The following PROM2 variants were observed in gnomAD, a reference collection of about 807,000 sequenced individuals.
The protein encoded by PROM2 is prominin-2.
PROM2 carries 90 observed loss-of-function variants against 110.2 expected under a neutral mutation model. That is an observed-to-expected ratio of 0.82 (90% confidence interval 0.69 to 0.97). The LOEUF is 0.97. Ranked by LOEUF, PROM2 falls within the 50% of genes least tolerant of loss-of-function variation. The probability of loss-of-function intolerance (pLI) is 0.00; values close to 1 mark genes in which losing one functional copy is unlikely to be tolerated. For synonymous variants in PROM2, 470 were observed against 467.8 expected, an observed-to-expected ratio of 1.00 and a Z score of -0.06; for missense variants, 1,009 against 1,074.8, an observed-to-expected ratio of 0.94 and a Z score of 0.86.
intron 14 of PROM2, 132 bp downstream of exon 14, chr2:95,282,358 C>A: frequency 1.3e-6 from 1 of 776,862 alleles, no homozygotes; most frequent in Non-Finnish European, 2.2e-6. Context: ...TTAAGGTGCC[C>A]AAGGGCAGAG....
rs1469687418 is a variant in PROM2 at position 95,277,956 on chromosome 2, C to T, written c.1002C>T (p.His334=). Residue 334 remains histidine, a synonymous_variant, in exon 8 of 24, where the codon CAC becomes CAT. Transcript: ENST00000317620. ...TGCCCTCTGTGGACCATGTCCTGCACCAGCTAAAAGGTGTCCCCGAGGCCA... is the reference window on the plus strand; with the variant it reads ...TGCCCTCTGTGGACCATGTCCTGCATCAGCTAAAAGGTGTCCCCGAGGCCA... ...SQVPSVDHVL[H]QLKGVPEANF... 6.2e-7 allele frequency: 1 copy of T among 1,612,578 alleles called. No individual in the cohort carries two copies. The highest frequency in any genetic ancestry group is 8.5e-7 in the Non-Finnish European group (1 of 1,179,578).
In PROM2 at chr2:95,281,262, T is replaced by A; in HGVS notation, c.1448T>A (p.Leu483His). 1 of 1,613,226 alleles carries A rather than the reference T, an allele frequency of 6.2e-7. No homozygotes were observed. Among genetic ancestry groups the A allele is most frequent in the South Asian group, 1.1e-5 (1 of 91,080 alleles). The change falls in exon 12 of 24, where the codon CTC becomes CAC. Residue 483 changes from leucine (L) to histidine (H), a missense_variant. Physicochemically the swap from Leu to His is moderately conservative, Grantham distance 99. Transcript: ENST00000317620. ...FLMAGVGLSF[L>H]FAAPLILLVF... ...CCCAGAGGTGTGGGCCTCAGCTTCC[T>A]CTTTGCTGCACCCCTCATCCTCCTG...
chr2:95,277,387 C>T lies in PROM2; in HGVS notation c.796C>T (p.Leu266=). 1 of 1,612,944 alleles carries T rather than the reference C, an allele frequency of 6.2e-7. No individual in the cohort carries two copies. The highest frequency in any genetic ancestry group is 8.5e-7 in the Non-Finnish European group (1 of 1,179,628). ...GQVLQVSVHH[L]QTLNATVVEL... is the part of the protein sequence containing the mutation. Reference sequence around the variant, plus strand: ...AGTCCTGCAGGTCTCCGTGCACCACCTGCAAACCTTGAATGCTACAGTGGT... The same window carrying T: ...AGTCCTGCAGGTCTCCGTGCACCACTTGCAAACCTTGAATGCTACAGTGGT... Residue 266 remains leucine, a synonymous_variant, in exon 7 of 24, where the codon CTG becomes TTG. Transcript: ENST00000317620.
At chr2:95,285,778 G>A (rs1279674501) in intron 16 of PROM2, 68 bp downstream of exon 16, 13 of 1,468,348 alleles carry the variant, frequency 8.9e-6, no homozygotes, top group African/African-American at 1.4e-5. Flanking sequence ...GGGAAAGGGT[G>A]GGAGGATGTG....
At position 95,276,865 on chromosome 2, in the gene PROM2, C is replaced by T. The variant is rs1470432409; in HGVS notation, c.683-107C>T. ...TCCCCGCTCCTTCACTCCCCTCCAC[C>T]CCCCGGCTCCTGCAGAGCCCGGTGG... On this transcript the variant is annotated intron_variant, in intron 5 of 23. Transcript: ENST00000317620. The surrounding 1 kb of genome is among the most constrained non-coding windows in gnomAD (Gnocchi z 4.6). 2.1e-5 allele frequency: 27 copies of T among 1,268,366 alleles called. No individual in the cohort carries two copies. In the East Asian group the frequency reaches 4.1e-4, roughly 19 times the overall value. 78.6% of individuals were successfully genotyped at this position (1,268,366 alleles called of 1,614,324 possible). A position where few individuals can be genotyped will look rare whatever the true frequency, so the allele number is the denominator to read the frequency against.
rs1055270895 is a variant in PROM2, at chr2:95,278,660, G to A, written c.1051-61G>A. The stretch of plus-strand genomic sequence containing the variant: ...TCCCTCTAGGCCTGGTGACTTTGGG[G>A]TCTCCCAAGAGGGGACACTGGGCAG... On this transcript the variant is annotated intron_variant, in intron 8 of 23. Transcript: ENST00000317620. The A allele has an allele frequency of 4.4e-6, 7 of 1,601,052 alleles. No individual in the cohort carries two copies. The African/African-American group carries it at 8.0e-5, about 18-fold the overall frequency.
intron 14 of PROM2, among the ~76,000 whole-genome samples, chr2:95,284,483 C>G (rs1327970838): frequency 6.6e-6 from 1 of 151,948 alleles, no homozygotes; most frequent in Non-Finnish European, 1.5e-5. Context: ...AGAGCAAGAC[C>G]CTGTCCGCTT....
At chr2:95,281,191 CA>C (rs756334052) in intron 11 of PROM2, 50 bp from the exon 12 acceptor site, 1 of 1,596,004 alleles carries the variant, frequency 6.3e-7, no homozygotes, top group Non-Finnish European at 8.5e-7. Flanking sequence ...AGGGTATGGT[CA>C]GGGCAGCCAG....
Position 95,277,431 on chromosome 2 carries a change from G to T in PROM2, c.840G>T (p.Gln280His). 1 of 1,613,334 alleles carries T rather than the reference G, an allele frequency of 6.2e-7. No homozygotes were observed. The part of the protein sequence containing the change: ...NATVVELQAG[Q>H]QDLEPAIREH... ...CAGTGGTAGAGCTGCAGGCCGGGCA[G>T]CAGGACCTGGAGCCAGCCATCCGGG... is the stretch of plus-strand genomic sequence containing the variant. The change falls in exon 7 of 24, where the codon CAG becomes CAT. Residue 280 changes from glutamine (Q) to histidine (H), a missense_variant. Coordinates refer to ENST00000317620, the MANE Select transcript of PROM2 (RefSeq NM_001165978.3).
intron 12 of PROM2, 121 bp from the exon 13 acceptor site, chr2:95,281,804 G>C: frequency 2.7e-6 from 2 of 728,252 alleles, no homozygotes; most frequent in Non-Finnish European, 4.9e-6. Flanking sequence ...GCTGGGGTGA[G>C]GGGATGTTTC....
Position 95,288,584 on chromosome 2 carries a change from C to T in PROM2, c.2436C>T (p.Arg812=), listed in dbSNP as rs191864570. The part of the protein sequence containing the change: ...TSKYFRPIRK[R]LSSTSSEETQ... ...AATACTTCCGTCCTATCCGGAAACG[C>T]CTCAGGTGAGGGGCTGCCAGGGCTG... Residue 812 remains arginine, a synonymous_variant, in exon 22 of 24, where the codon CGC becomes CGT. Transcript: ENST00000317620. 3.0e-5 allele frequency: 48 copies of T among 1,613,596 alleles called. No homozygotes were observed. The East Asian group carries it at 4.2e-4, about 14-fold the overall frequency.
In PROM2 at chr2:95,284,501, C is replaced by CA. The variant is rs778439045; in HGVS notation, c.1729-456dup. ...GCAAGACCCTGTCCGCTTCCCCAAC[C>CA]AAAAAAAAAAAAGCAATACCTGAGG... On this transcript the variant is annotated intron_variant, in intron 14 of 23. Transcript: ENST00000317620. 9.1e-4 allele frequency among the ~76,000 whole-genome samples: 124 copies of CA among 136,518 alleles called. 1 individual carries two copies. Among genetic ancestry groups the CA allele is most frequent in the East Asian group, 3.6e-3 (17 of 4,750 alleles). 89.6% of individuals were successfully genotyped at this position (136,518 alleles called of 152,430 possible).
At position 95,281,841 on chromosome 2, in the gene PROM2, G is replaced by C. The variant is rs1677065928; in HGVS notation, c.1552-84G>C. ...TACCCCTGGTCTGTGCTGTGCCACA[G>C]CAGCACAGGGCCAGGCCCTAGGGGA... is the stretch of plus-strand genomic sequence containing the variant. On this transcript the variant is annotated intron_variant, in intron 12 of 23. Transcript: ENST00000317620. 5.4e-6 allele frequency: 5 copies of C among 928,670 alleles called. No individual in the cohort carries two copies. In the East Asian group the frequency reaches 1.2e-4, roughly 22 times the overall value. 57.5% of individuals were successfully genotyped at this position (928,670 alleles called of 1,614,324 possible).
chr2:95,285,206 TC>T, intron 15 of PROM2, 91 bp downstream of exon 15: 1 of 1,364,626 alleles, frequency 7.3e-7, no homozygotes, highest in Admixed American at 2.8e-5. Context: ...TCTTGCCTTG[TC>T]CCAGCTCTGG....
intron 22 of PROM2, 70 bp from the exon 23 acceptor site, chr2:95,288,863 G>A: frequency 6.8e-7 from 1 of 1,480,102 alleles, no homozygotes; most frequent in East Asian, 2.3e-5. Flanking sequence ...AGGGCTCTGG[G>A]TTTGTCCCTG....
rs772799198 is a variant in PROM2 at position 95,288,583 on chromosome 2, G to A, written c.2435G>A (p.Arg812His). 1.9e-6 allele frequency: 3 copies of A among 1,613,472 alleles called. No individual in the cohort carries two copies. The highest frequency in any genetic ancestry group is 1.7e-4 in the Middle Eastern group (1 of 6,058). The part of the protein sequence containing the change: ...TSKYFRPIRK[R>H]LSSTSSEETQ... ...AAATACTTCCGTCCTATCCGGAAAC[G>A]CCTCAGGTGAGGGGCTGCCAGGGCT... Residue 812 changes from arginine to histidine, a missense_variant, in exon 22 of 24, where the codon CGC (arginine) becomes CAC (histidine). Transcript: ENST00000317620.
chr2:95,277,007 C>G lies in PROM2; in HGVS notation c.718C>G (p.Gln240Glu). 6.4e-7 allele frequency: 1 copy of G among 1,553,296 alleles called. No individual in the cohort carries two copies. Among genetic ancestry groups the G allele is most frequent in the Non-Finnish European group, 8.7e-7 (1 of 1,147,682 alleles). The part of the protein sequence containing the change: ...GVSIGSAIHT[Q>E]LRSSVYPLLA... ...GAGCATTGGGAGCGCGATCCACACT[C>G]AGCTCAGGAGCTCCGTGTACCCCTT... Residue 240 changes from glutamine (Q) to glutamate (E), a missense_variant, in exon 6 of 24, where the codon CAG becomes GAG. By Grantham distance (29) the Gln-to-Glu change is conservative. Transcript: ENST00000317620.
rs770966086 is a variant in PROM2 at position 95,279,109 on chromosome 2, C to T, written c.1239C>T (p.Pro413=). 2.6e-5 allele frequency: 41 copies of T among 1,553,582 alleles called. No individual in the cohort carries two copies. Among genetic ancestry groups the T allele is most frequent in the Admixed American group, 2.3e-4 (13 of 55,340 alleles). ...AGGAGGTGGAGGAGAGCAGCCGCCC[C>T]TACCTGCAGGAGGTGCAGAGATACG... ...ALQEVEESSR[P]YLQEVQRYET... Residue 413 remains proline (P), a synonymous_variant, in exon 10 of 24, where the codon CCC becomes CCT. Transcript: ENST00000317620.
rs1301243642 is a variant in PROM2 at position 95,282,200 on chromosome 2, C to T, written c.1702C>T (p.Leu568=). 5 of 1,613,876 alleles carry T rather than the reference C, an allele frequency of 3.1e-6. No individual in the cohort carries two copies. The highest frequency in any genetic ancestry group is 1.6e-4 in the Middle Eastern group (1 of 6,062). ...CCTGCAGCTCAACGACTCCTACGACCTGGAGGAGCACCTGGATATCAACCA... is the reference window on the plus strand; with the variant it reads ...CCTGCAGCTCAACGACTCCTACGACTTGGAGGAGCACCTGGATATCAACCA... ...TVLQLNDSYD[L]EEHLDINQYT... is the part of the protein sequence containing the mutation. The change falls in exon 14 of 24, where the codon CTG becomes TTG. Residue 568 remains leucine, a synonymous_variant. Coordinates refer to ENST00000317620, the MANE Select transcript of PROM2 (RefSeq NM_001165978.3).
Sources: allele counts gnomAD v4.1 joint callset (sites outside exome capture counted in the v4.1 genomes callset), GRCh38; gene constraint gnomAD v4.1.1; non-coding constraint Gnocchi (gnomAD v3.1); transcripts MANE v1.5; gene names NCBI Gene and HGNC (gene_info 2026-07-23, HGNC 2026-07-21).